Variants in CYB5R1 observed in about 807,000 individuals in gnomAD.
The protein encoded by CYB5R1 is NADH-cytochrome b5 reductase 1.
A neutral mutation model predicts 37.4 loss-of-function variants in CYB5R1; 32 were observed. That is an observed-to-expected ratio of 0.86 (90% CI 0.65 to 1.15). The LOEUF is 1.15. Among genes scored for constraint, CYB5R1 ranks in the 50% most tolerant of loss-of-function variants. CYB5R1 has a pLI of 0.00. For missense variants in CYB5R1, 345 were observed against 382.5 expected (o/e 0.90, Z 0.82); for synonymous variants, 159 against 155.2 (o/e 1.02, Z -0.18).
Position 202,965,389 on chromosome 1 carries a change from G to T in CYB5R1, c.457C>A (p.Leu153Ile). The change falls in exon 5 of 9, where the codon CTC becomes ATC. Residue 153 changes from leucine (L) to isoleucine (I), a missense_variant. Leu to Ile is a conservative substitution (Grantham distance 5, BLOSUM62 2). Transcript: ENST00000367249. ...VVEFRGPSGLLTYTGKGHFNI... is the reference protein window; with the variant it reads ...VVEFRGPSGLITYTGKGHFNI... ...TCATTACCTTTTCCAGTGTAAGTGA[G>T]CAACCCGCTTGGCCCCCGAAACTCC... The T allele has an allele frequency of 6.3e-7, 1 of 1,598,214 alleles. No individual in the cohort carries two copies. The highest frequency in any genetic ancestry group is 8.5e-7 in the Non-Finnish European group (1 of 1,172,592).
At chr1:202,966,455 T>A in intron 3 of CYB5R1, 73 bp downstream of exon 3, 1 of 1,539,076 alleles carries the variant, frequency 6.5e-7, no homozygotes, top group Non-Finnish European at 9.0e-7. Flanking sequence ...AGCAGCGTGT[T>A]TCATGAGATC....
chr1:202,965,634 T>A, intron 4 of CYB5R1, 134 bp from the exon 5 acceptor site: 11 of 706,952 alleles, frequency 1.6e-5, no homozygotes, highest in Non-Finnish European at 1.9e-5. Flanking sequence ...ACTTTCTTTC[T>A]TTCTTTTTTT....
chr1:202,965,930 A>G lies in CYB5R1; in HGVS notation c.302T>C (p.Val101Ala). ...ATAGCCTTGATCCTCATCACTGGTGACAGGAGTGTATGGCCTGATGACCAG... is the reference window on the plus strand; with the variant it reads ...ATAGCCTTGATCCTCATCACTGGTGGCAGGAGTGTATGGCCTGATGACCAG... ...GSLVIRPYTPVTSDEDQGYVD... is the reference protein window; with the variant it reads ...GSLVIRPYTPATSDEDQGYVD... The change falls in exon 4 of 9, where the codon GTC becomes GCC. Residue 101 changes from valine (V) to alanine (A), a missense_variant. By Grantham distance (64) the Val-to-Ala change is moderately conservative (BLOSUM62 0). Transcript: ENST00000367249. 1.2e-6 allele frequency: 2 copies of G among 1,614,068 alleles called. No homozygotes were observed. The highest frequency in any genetic ancestry group is 1.7e-6 in the Non-Finnish European group (2 of 1,179,934).
At chr1:202,966,022 G>T (rs762644038) in intron 3 of CYB5R1, 29 bp from the exon 4 acceptor site, 1 of 1,440,026 alleles carries the variant, frequency 6.9e-7, no homozygotes, top group South Asian at 1.1e-5. Context: ...GCTACATAAG[G>T]GTTGTCTGTG....
At chr1:202,965,522 T>C in intron 4 of CYB5R1, 22 bp from the exon 5 acceptor site, 1 of 1,555,394 alleles carries the variant, frequency 6.4e-7, no homozygotes. Context: ...GAGAGAAAAA[T>C]ACCTTATTTG....
In CYB5R1 at chr1:202,962,403, G is replaced by C; in HGVS notation, c.*124C>G. ...ATATTGTTCCTGCAGGTACTATCCA[G>C]ATTTCAGCTCTAGATGTAACTGAAA... On this transcript the variant is annotated 3_prime_UTR_variant, in exon 9 of 9. Coordinates refer to ENST00000367249, the MANE Select transcript of CYB5R1 (RefSeq NM_016243.3). 1 of 1,201,878 alleles carries C rather than the reference G, an allele frequency of 8.3e-7. No homozygotes were observed. Among genetic ancestry groups the C allele is most frequent in the East Asian group, 2.4e-5 (1 of 42,062 alleles). The allele number at this position is 1,201,878 out of a possible 1,614,324, so 74.5% of individuals were successfully genotyped here.
At chr1:202,965,339 G>A (rs750086969) in intron 5 of CYB5R1, 32 bp downstream of exon 5, 1 of 1,541,970 alleles carries the variant, frequency 6.5e-7, no homozygotes. Flanking sequence ...GATAAAGTGG[G>A]AGACAGGCTC....
At chr1:202,964,428 A>AATT in intron 6 of CYB5R1, 184 bp downstream of exon 6, 1 of 591,780 alleles carries the variant, frequency 1.7e-6, no homozygotes. Flanking sequence ...ATCAGTTAAA[A>AATT]TTTTTTTTGG....
Position 202,962,537 on chromosome 1 carries a change from A to G in CYB5R1, c.908T>C (p.Phe303Ser). The change falls in exon 9 of 9, where the codon TTC becomes TCC. Residue 303 changes from phenylalanine to serine, a missense_variant. Phe to Ser is a radical substitution (Grantham distance 155, BLOSUM62 -2). Coordinates refer to ENST00000367249, the MANE Select transcript of CYB5R1 (RefSeq NM_016243.3). ...DKLGYSQKMR[F>S]TY is the part of the protein sequence containing the mutation. ...GAAGCTGGAGGATGCTCAGTAGGTG[A>G]ATCGCATCTTTTGTGAGTAGCCCAG... The G allele has an allele frequency of 3.1e-6, 5 of 1,609,452 alleles. No individual in the cohort carries two copies. Among genetic ancestry groups the G allele is most frequent in the Non-Finnish European group, 4.2e-6 (5 of 1,177,404 alleles).
Position 202,962,448 on chromosome 1 carries a change from A to G in CYB5R1, c.*79T>C. On this transcript the variant is annotated 3_prime_UTR_variant, in exon 9 of 9. Coordinates refer to ENST00000367249, the MANE Select transcript of CYB5R1 (RefSeq NM_016243.3). ...CTGAAAAAACCTGAAACTCTGAGGA[A>G]AGGAATCTAAGGCTTATAGTGCTTG... 8.1e-6 allele frequency: 12 copies of G among 1,482,498 alleles called. No homozygotes were observed. The South Asian group carries it at 1.7e-4, about 21-fold the overall frequency. The allele number at this position is 1,482,498 out of a possible 1,614,324, so 91.8% of individuals were successfully genotyped here. A position where few individuals can be genotyped will look rare whatever the true frequency, so the allele number is the denominator to read the frequency against.
At chr1:202,962,770 A>T in intron 8 of CYB5R1, 71 bp from the exon 9 acceptor site, 1 of 1,562,030 alleles carries the variant, frequency 6.4e-7, no homozygotes. Flanking sequence ...GTGCCATGAG[A>T]CTGGGGAGGG....
Position 202,965,944 on chromosome 1 carries a change from C to A in CYB5R1, c.288G>T (p.Arg96Ser), listed in dbSNP as rs1481742605. The stretch of plus-strand genomic sequence containing the variant: ...CATCACTGGTGACAGGAGTGTATGG[C>A]CTGATGACCAGGCTGCCATCAATTC... ...STRIDGSLVIRPYTPVTSDED... is the reference protein window; with the variant it reads ...STRIDGSLVISPYTPVTSDED... Residue 96 changes from arginine (R) to serine (S), a missense_variant, in exon 4 of 9, where the codon AGG (arginine) becomes AGT (serine). Coordinates refer to ENST00000367249, the MANE Select transcript of CYB5R1 (RefSeq NM_016243.3). 6.2e-7 allele frequency: 1 copy of A among 1,614,010 alleles called. No individual in the cohort carries two copies. The highest frequency in any genetic ancestry group is 8.5e-7 in the Non-Finnish European group (1 of 1,179,996).
intron 3 of CYB5R1, 109 bp from the exon 4 acceptor site, chr1:202,966,102 C>G (rs1655088183): frequency 1.3e-6 from 1 of 767,540 alleles, no homozygotes; most frequent in Admixed American, 2.2e-5. Flanking sequence ...TGCTGTGGTC[C>G]CAAGGAGCTA....
In CYB5R1 at chr1:202,962,205, G is replaced by A. The variant is rs1655001294; in HGVS notation, c.*322C>T. 2 of 268,880 alleles carry A rather than the reference G, an allele frequency of 7.4e-6. No homozygotes were observed. Among genetic ancestry groups the A allele is most frequent in the East Asian group, 1.6e-4 (2 of 12,364 alleles). 16.7% of individuals were successfully genotyped at this position (268,880 alleles called of 1,614,324 possible). ...CATCACAGACACAAAGAAGGTGAGA[G>A]TAAGATGCTATCAAGGAACTAGCCA... On this transcript the variant is annotated 3_prime_UTR_variant, in exon 9 of 9. Transcript: ENST00000367249.
Position 202,966,870 on chromosome 1 carries a change from ACCCCCAGGGAGG to A in CYB5R1, c.32_43del (p.Ala11_Gly14del). 2 of 1,612,102 alleles carry A rather than the reference ACCCCCAGGGAGG, an allele frequency of 1.2e-6. No homozygotes were observed. The highest frequency in any genetic ancestry group is 1.7e-6 in the Non-Finnish European group (2 of 1,179,276). ...CAGGCCGAGCAGAGTGACCAGCCCC[ACCCCCAGGGAGG>A]CCAGCAGGACGGGGCTCTGTGGGTA... On this transcript the variant is annotated inframe_deletion, in exon 2 of 9. Transcript: ENST00000367249.
In CYB5R1 at chr1:202,966,643, C is replaced by T. The variant is rs557505022; in HGVS notation, c.166-43G>A. 10 of 1,613,824 alleles carry T rather than the reference C, an allele frequency of 6.2e-6. No homozygotes were observed. In the African/African-American group the frequency reaches 1.1e-4, roughly 17 times the overall value. On this transcript the variant is annotated intron_variant, in intron 2 of 8. Transcript: ENST00000367249. ...CAAGTGTTTCACCAAGCGCGCCTGG[C>T]GCTGCCACGTCCCTTGGACATCCCA...
chr1:202,963,709 T>A lies in CYB5R1; in HGVS notation c.578A>T (p.Gln193Leu). 6.2e-7 allele frequency: 1 copy of A among 1,609,376 alleles called. No individual in the cohort carries two copies. The highest frequency in any genetic ancestry group is 8.5e-7 in the Non-Finnish European group (1 of 1,177,540). Residue 193 changes from glutamine (Q) to leucine (L), a missense_variant, in exon 7 of 9, where the codon CAG becomes CTG. Gln to Leu is a moderately radical substitution (Grantham distance 113, BLOSUM62 -2). Transcript: ENST00000367249. ...GACTTTCAGGATGGCCCGGATCAGC[T>A]GTAGCATTGGGGTGATTCCTGCATG... The part of the protein sequence containing the change: ...AGGTGITPML[Q>L]LIRAILKVPE...
At chr1:202,965,745 G>T in intron 4 of CYB5R1, 142 bp downstream of exon 4, 1 of 711,704 alleles carries the variant, frequency 1.4e-6, no homozygotes, top group Non-Finnish European at 2.3e-6. Context: ...TGAGTCTCCT[G>T]CCTCAGTCTC....
At chr1:202,966,933 G>T (rs751227741) in intron 1 of CYB5R1, 35 bp from the exon 2 acceptor site, 2 of 1,567,448 alleles carry the variant, frequency 1.3e-6, no homozygotes, top group Non-Finnish European at 1.7e-6. Context: ...CCGCCAGGCT[G>T]GGTAAGAGCC....
Sources: allele counts gnomAD v4.1 joint callset, GRCh38; gene constraint gnomAD v4.1.1; transcripts MANE v1.5; gene names NCBI Gene and HGNC (gene_info 2026-07-23, HGNC 2026-07-21).